Variants in CALN1 observed in about 807,000 individuals in gnomAD.
CALN1 encodes calcium-binding protein 8.
A neutral mutation model predicts 30.6 loss-of-function variants in CALN1; 17 were observed. The observed-to-expected ratio is 0.56, with a 90% CI of 0.38 to 0.83. The LOEUF is 0.83. Among genes scored for constraint, CALN1 ranks in the 40% least tolerant of loss-of-function variants. CALN1 has a pLI of 0.00. For missense variants in CALN1, 291 were observed against 354.9 expected, an observed-to-expected ratio of 0.82 and a Z score of 1.45; for synonymous variants, 156 against 131.4, an observed-to-expected ratio of 1.19 and a Z score of -1.28.
At chr7:72,323,212 A>G (rs1381955773) in intron 2 of CALN1, among the ~76,000 whole-genome samples, 1 of 151,932 alleles carries the variant, frequency 6.6e-6, no homozygotes, top group Non-Finnish European at 1.5e-5. Flanking sequence ...TCTTGTTCTG[A>G]GGGGTGGGAA....
At chr7:71,925,378 A>G (rs1432036976) in intron 5 of CALN1, among the ~76,000 whole-genome samples, 1 of 152,144 alleles carries the variant, frequency 6.6e-6, no homozygotes, top group Non-Finnish European at 1.5e-5. Context: ...GAAGATGTTA[A>G]GTTTCTCCCA....
chr7:72,086,483 G>T (rs571738647), intron 4 of CALN1, among the ~76,000 whole-genome samples: 101 of 152,266 alleles, frequency 6.6e-4, no homozygotes, highest in African/African-American at 2.1e-3. Context: ...GCCCAGGCTG[G>T]AGTGCAATGG....
At chr7:72,304,679 G>C (rs529358173) in intron 2 of CALN1, among the ~76,000 whole-genome samples, 1 of 151,912 alleles carries the variant, frequency 6.6e-6, no homozygotes, top group Non-Finnish European at 1.5e-5. Flanking sequence ...CTTTCATTAG[G>C]TCAGGCCATA....
chr7:72,487,732 A>AG, the CALN1 span, among the ~76,000 whole-genome samples: 46 of 105,240 alleles, frequency 4.4e-4, 2 homozygotes, highest in African/African-American at 1.8e-3. Context: ...AAAGAAAGAA[A>AG]GAAAGGAAGG....
chr7:72,403,992 T>C (rs1806529433), intron 1 of CALN1, among the ~76,000 whole-genome samples: 1 of 152,132 alleles, frequency 6.6e-6, no homozygotes, highest in African/African-American at 2.4e-5. Flanking sequence ...TGGCATCCCA[T>C]TACCAGCTCC....
At chr7:72,097,719 A>G (rs760867364) in intron 4 of CALN1, among the ~76,000 whole-genome samples, 3 of 150,218 alleles carry the variant, frequency 2.0e-5, no homozygotes, top group Admixed American at 1.3e-4. Flanking sequence ...TTTCTTTTAT[A>G]TATATATTTT....
intron 3 of CALN1, among the ~76,000 whole-genome samples, chr7:72,204,816 T>C (rs1791708098): frequency 1.3e-5 from 2 of 152,224 alleles, no homozygotes; most frequent in South Asian, 2.1e-4. Flanking sequence ...CTTCTACATG[T>C]AGTTTTTTAA....
At chr7:71,845,632 G>T (rs745415993) in intron 5 of CALN1, among the ~76,000 whole-genome samples, 1 of 152,178 alleles carries the variant, frequency 6.6e-6, no homozygotes, top group Non-Finnish European at 1.5e-5. Context: ...CAGCATGGCT[G>T]GGGAACTTGT....
chr7:71,999,844 T>C (rs1294444396), intron 5 of CALN1, among the ~76,000 whole-genome samples: 1 of 151,718 alleles, frequency 6.6e-6, no homozygotes, highest in Non-Finnish European at 1.5e-5. Context: ...CTACGGAACA[T>C]TCACCAAGAC....
intron 5 of CALN1, among the ~76,000 whole-genome samples, chr7:71,878,420 A>G (rs1336066923): frequency 6.6e-6 from 1 of 151,574 alleles, no homozygotes; most frequent in Admixed American, 6.6e-5. Context: ...AAAAAAGTAT[A>G]ATGTGGTTTC....
At chr7:71,840,485 TAA>T (rs61579583) in intron 5 of CALN1, among the ~76,000 whole-genome samples, 1,739 of 101,276 alleles carry the variant, frequency 0.017, 41 homozygotes, top group African/African-American at 0.063. Context: ...ATGCTCTCTT[TAA>T]AAAAAAAAAA....
chr7:72,390,255 A>G (rs1382900930), intron 2 of CALN1, among the ~76,000 whole-genome samples: 3 of 151,876 alleles, frequency 2.0e-5, no homozygotes, highest in African/African-American at 4.8e-5. Flanking sequence ...GTCGTGAAAC[A>G]CCACCTCTAC....
intron 5 of CALN1, among the ~76,000 whole-genome samples, chr7:71,920,591 T>C (rs1397355879): frequency 6.6e-6 from 1 of 152,086 alleles, no homozygotes; most frequent in East Asian, 1.9e-4. Flanking sequence ...TGCCTCAGCC[T>C]CCCAAAGTAC....
intron 5 of CALN1, among the ~76,000 whole-genome samples, chr7:71,872,862 C>T (rs1409094912): frequency 6.6e-6 from 1 of 151,870 alleles, no homozygotes; most frequent in Non-Finnish European, 1.5e-5. Flanking sequence ...CATCCTCCCG[C>T]CTTAGCCTTC....
chr7:72,063,608 G>A (rs763048720), intron 4 of CALN1, among the ~76,000 whole-genome samples: 1 of 152,146 alleles, frequency 6.6e-6, no homozygotes, highest in African/African-American at 2.4e-5. Flanking sequence ...ATCATTCCAT[G>A]TACTGGCAGC....
intron 3 of CALN1, among the ~76,000 whole-genome samples, chr7:72,217,101 A>G (rs1792882105): frequency 6.6e-6 from 1 of 152,192 alleles, no homozygotes; most frequent in Non-Finnish European, 1.5e-5. Context: ...AGAAAATACA[A>G]GAAAGGATTA....
chr7:72,318,215 T>C (rs530525393), intron 2 of CALN1, among the ~76,000 whole-genome samples: 10 of 152,254 alleles, frequency 6.6e-5, no homozygotes, highest in Non-Finnish European at 8.8e-5. Context: ...TCTTAAAGGG[T>C]CCCATTAAGA....
intron 2 of CALN1, among the ~76,000 whole-genome samples, chr7:72,396,244 A>AAAAAAAAAG (rs1202375723): frequency 2.1e-5 from 2 of 95,320 alleles, no homozygotes; most frequent in Non-Finnish European, 3.7e-5. Flanking sequence ...CTAAAAAAAA[A>AAAAAAAAAG]AAAAAAAAAA....
intron 2 of CALN1, among the ~76,000 whole-genome samples, chr7:72,368,713 C>T (rs533547557): frequency 2.0e-5 from 3 of 151,526 alleles, no homozygotes; most frequent in African/African-American, 7.3e-5. Flanking sequence ...TTACACAAGA[C>T]GACAAAGTGA....
Sources: allele counts gnomAD v4.1 joint callset (sites outside exome capture counted in the v4.1 genomes callset), GRCh38; gene constraint gnomAD v4.1.1; transcripts MANE v1.5; gene names NCBI Gene and HGNC (gene_info 2026-07-23, HGNC 2026-07-21).